The following NAA35 variants were observed in gnomAD, a reference collection of about 807,000 sequenced individuals.
NAA35 encodes MAK10 homolog, amino-acid N-acetyltransferase subunit.
A neutral mutation model predicts 101.7 loss-of-function variants in NAA35; 18 were observed. The observed-to-expected ratio is 0.18, with a 90% CI of 0.12 to 0.26. The LOEUF (loss-of-function observed/expected upper bound fraction) is 0.26. Ranked by LOEUF, NAA35 falls within the 10% of genes least tolerant of loss-of-function variation. The pLI is 1.00. For synonymous variants in NAA35, 267 were observed against 273.1 expected (o/e 0.98, Z 0.22); for missense variants, 601 against 886.8 (o/e 0.68, Z 4.09).
At chr9:85,980,587 G>T (rs965445552) in intron 11 of NAA35, among the ~76,000 whole-genome samples, 12 of 152,090 alleles carry the variant, frequency 7.9e-5, no homozygotes, top group African/African-American at 2.9e-4. Flanking sequence ...CTTGTACTTT[G>T]TATTTTAGTT....
At chr9:86,005,946 T>A (rs189532971) in intron 13 of NAA35, among the ~76,000 whole-genome samples, 2 of 150,460 alleles carry the variant, frequency 1.3e-5, no homozygotes, top group Non-Finnish European at 3.0e-5. Context: ...GCGGAGGTGG[T>A]TGGATCACGA....
At chr9:85,992,322 T>C (rs753427234) in intron 11 of NAA35, among the ~76,000 whole-genome samples, 37 of 152,306 alleles carry the variant, frequency 2.4e-4, no homozygotes, top group Admixed American at 4.6e-4. Flanking sequence ...TCATAACTTA[T>C]TGAATAAAAG....
At position 86,018,398 on chromosome 9, in the gene NAA35, G is replaced by A. The variant is rs759737581; in HGVS notation, c.1914+3G>A. ...CAGTGCACTACTTACAGTTCAAGGT[G>A]AACCTGCTCAATGAACTTGTTATGA... On this transcript the variant is annotated splice_donor_region_variant and intron_variant, in intron 20 of 22. Coordinates refer to ENST00000361671, the MANE Select transcript of NAA35 (RefSeq NM_024635.4). The A allele has an allele frequency of 6.9e-6, 11 of 1,605,066 alleles. No homozygotes were observed. The highest frequency in any genetic ancestry group is 9.4e-6 in the Non-Finnish European group (11 of 1,174,206).
chr9:85,958,481 T>G lies in NAA35; in HGVS notation c.168T>G (p.Leu56=), dbSNP rs1829370412. Residue 56 remains leucine, a synonymous_variant, in exon 4 of 23, where the codon CTT becomes CTG. Transcript: ENST00000361671. ...GELLHDKLFG[L]FEAMSAIEMM... is the part of the protein sequence containing the mutation. ...ATTTTTTTATTTGCAGATTTGGTCT[T>G]TTTGAAGCCATGTCTGCTATTGAAA... 1 of 1,603,086 alleles carries G rather than the reference T, an allele frequency of 6.2e-7. No individual in the cohort carries two copies.
chr9:86,013,232 T>A, intron 16 of NAA35, 88 bp downstream of exon 16: 1 of 748,424 alleles, frequency 1.3e-6, no homozygotes, highest in Admixed American at 3.2e-5. Context: ...GAACAATATT[T>A]TGACTAATTT....
Position 85,962,735 on chromosome 9 carries a change from G to A in NAA35, c.516+555G>A, listed in dbSNP as rs572331372. The stretch of plus-strand genomic sequence containing the variant: ...CTGTAGTACCATTCATTGAATATCC[G>A]TATGTGCAGAGTGCTGTTTTTGGAT... On this transcript the variant is annotated intron_variant, in intron 6 of 22. Coordinates refer to ENST00000361671, the MANE Select transcript of NAA35 (RefSeq NM_024635.4). 4.6e-5 allele frequency among the ~76,000 whole-genome samples: 7 copies of A among 152,204 alleles called. No individual in the cohort carries two copies. The South Asian group carries it at 1.5e-3, about 32-fold the overall frequency.
At chr9:85,973,441 G>A (rs1830078934) in intron 6 of NAA35, among the ~76,000 whole-genome samples, 1 of 152,198 alleles carries the variant, frequency 6.6e-6, no homozygotes, top group Non-Finnish European at 1.5e-5. Flanking sequence ...GTGAGCAATA[G>A]TGGTGACTTA....
At chr9:86,008,365 AT>A (rs1295272601) in intron 14 of NAA35, among the ~76,000 whole-genome samples, 6 of 152,164 alleles carry the variant, frequency 3.9e-5, no homozygotes, top group African/African-American at 1.4e-4. Flanking sequence ...CCGGCCTAAT[AT>A]GTTTCTTTTA....
chr9:86,013,001 A>C, intron 15 of NAA35, 45 bp from the exon 16 acceptor site: 2 of 1,304,508 alleles, frequency 1.5e-6, no homozygotes, highest in Non-Finnish European at 2.1e-6. Flanking sequence ...CTTTGGTACT[A>C]GGAAATTTCA....
chr9:86,021,600 C>T (rs557692683), intron 22 of NAA35, among the ~76,000 whole-genome samples: 2 of 152,290 alleles, frequency 1.3e-5, no homozygotes, highest in African/African-American at 4.8e-5. Flanking sequence ...GTGCTGACCC[C>T]TGATCTAACT....
intron 12 of NAA35, among the ~76,000 whole-genome samples, chr9:86,002,961 C>G (rs893230644): frequency 1.3e-5 from 2 of 152,008 alleles, no homozygotes; most frequent in Non-Finnish European, 2.9e-5. Flanking sequence ...TTTCTCATCT[C>G]TGTGTGTGGA....
rs1832358542 is a variant in NAA35 at position 86,018,715 on chromosome 9, A to G, written c.1931A>G (p.Asn644Ser). ...YLQFKEMSDL[N>S]KYSPPPQSPE... is the part of the protein sequence containing the mutation. ...TCTTTTTAGGAAATGTCTGACCTCA[A>G]TAAATATAGCCCTCCTCCTCAGTCT... Residue 644 changes from asparagine to serine, a missense_variant, in exon 21 of 23, where the codon AAT becomes AGT. Around this residue, in one of 8 missense-constraint regions of NAA35, gnomAD observed 90 missense variants for 108.7 expected, o/e 0.83. Coordinates refer to ENST00000361671, the MANE Select transcript of NAA35 (RefSeq NM_024635.4). 1.2e-6 allele frequency: 2 copies of G among 1,613,644 alleles called. No individual in the cohort carries two copies. Among genetic ancestry groups the G allele is most frequent in the Non-Finnish European group, 8.5e-7 (1 of 1,179,908 alleles).
chr9:85,967,880 G>T (rs1272030342), intron 6 of NAA35, among the ~76,000 whole-genome samples: 2 of 151,806 alleles, frequency 1.3e-5, no homozygotes, highest in African/African-American at 2.4e-5. Flanking sequence ...GGTGTATTTT[G>T]TTCTCAGGCG....
rs1403418093 is a variant in NAA35, at chr9:86,018,241, C to T, written c.1774-14C>T. On this transcript the variant is annotated splice_polypyrimidine_tract_variant and intron_variant, in intron 19 of 22. Coordinates refer to ENST00000361671, the MANE Select transcript of NAA35 (RefSeq NM_024635.4). ...ATTGATTTCATCTTTTTTCTTATTC[C>T]CTTTTTCATTTAGACCATGGTAGCA... The T allele has an allele frequency of 2.5e-6, 4 of 1,596,448 alleles. No homozygotes were observed. The highest frequency in any genetic ancestry group is 1.1e-5 in the South Asian group (1 of 89,342).
At chr9:86,013,683 A>G (rs1369687285) in intron 16 of NAA35, 36 bp from the exon 17 acceptor site, 1 of 1,563,336 alleles carries the variant, frequency 6.4e-7, no homozygotes, top group South Asian at 1.2e-5. Flanking sequence ...TTAAGAAAAC[A>G]AAACGAACAC....
rs111895027 is a variant in NAA35 at position 86,000,736 on chromosome 9, G to C, written c.1057-2849G>C. Among the ~76,000 whole-genome samples, 1,268 of 152,204 alleles carry C rather than the reference G, an allele frequency of 8.3e-3. 24 individuals are homozygous for C. Among genetic ancestry groups the C allele is most frequent in the African/African-American group, 0.029 (1,222 of 41,540 alleles). On this transcript the variant is annotated intron_variant, in intron 12 of 22. Transcript: ENST00000361671. Reference sequence around the variant, plus strand: ...GGTTGTTTTTATTTCTTTGGGGTCAGTAGTAACATTCCCTTCATCATTTCT... The same window carrying C: ...GGTTGTTTTTATTTCTTTGGGGTCACTAGTAACATTCCCTTCATCATTTCT...
intron 6 of NAA35, among the ~76,000 whole-genome samples, chr9:85,968,952 C>G (rs1421137661): frequency 6.6e-6 from 1 of 152,094 alleles, no homozygotes; most frequent in African/African-American, 2.4e-5. Context: ...GCTTAGTTTT[C>G]TATGTACTTC....
At chr9:86,006,820 A>G (rs1046093895) in intron 13 of NAA35, among the ~76,000 whole-genome samples, 12 of 152,230 alleles carry the variant, frequency 7.9e-5, no homozygotes, top group Admixed American at 3.9e-4. Flanking sequence ...AAATTTAAAA[A>G]CAGTCTTAGG....
intron 11 of NAA35, among the ~76,000 whole-genome samples, chr9:85,985,323 T>G (rs1830602432): frequency 1.3e-5 from 2 of 152,330 alleles, no homozygotes; most frequent in Non-Finnish European, 1.5e-5. Flanking sequence ...CATAGCAGCA[T>G]TATTCATAAT....
Sources: gnomAD v4.1 joint callset for allele counts (sites outside exome capture counted in the v4.1 genomes callset) on GRCh38, gnomAD v4.1.1 for gene constraint, gnomAD v4.1.1 regional missense constraint, MANE v1.5 for transcripts, NCBI Gene and HGNC (gene_info 2026-07-23, HGNC 2026-07-21) for gene names.